MCTP1: variants seen among roughly 807,000 people sequenced by gnomAD.
MCTP1 encodes the protein multiple C2 and transmembrane domain containing 1, also known as multiple C2 and transmembrane domain-containing protein 1.
Under a neutral mutation model 120.6 loss-of-function variants are expected in MCTP1, and 69 were observed. The observed-to-expected ratio is 0.57, with a 90% CI of 0.47 to 0.70. The LOEUF (loss-of-function observed/expected upper bound fraction) is 0.70. MCTP1 is among the 30% of genes least tolerant of loss of function. The pLI is 0.00. For synonymous variants in MCTP1, 529 were observed against 493.1 expected, an observed-to-expected ratio of 1.07 and a Z score of -0.96; for missense variants, 1,203 against 1,248.8, an observed-to-expected ratio of 0.96 and a Z score of 0.55.
chr5:94,809,398 C>T (rs1376625515), intron 17 of MCTP1, among the ~76,000 whole-genome samples: 1 of 151,962 alleles, frequency 6.6e-6, no homozygotes, highest in Non-Finnish European at 1.5e-5. Context: ...CACATAACCA[C>T]ACATGAATAA....
chr5:95,109,645 C>T (rs1757319788), intron 1 of MCTP1, among the ~76,000 whole-genome samples: 1 of 152,140 alleles, frequency 6.6e-6, no homozygotes, highest in Admixed American at 6.6e-5. Context: ...CTTGGTGTTA[C>T]ACAGACGCAG....
At chr5:94,990,916 C>T (rs931501201) in intron 2 of MCTP1, among the ~76,000 whole-genome samples, 1 of 152,126 alleles carries the variant, frequency 6.6e-6, no homozygotes, top group Admixed American at 6.6e-5. Flanking sequence ...ACAGAGAATT[C>T]CCATATCACT....
At chr5:95,244,673 C>T (rs1024191425) in intron 1 of MCTP1, among the ~76,000 whole-genome samples, 2 of 152,172 alleles carry the variant, frequency 1.3e-5, no homozygotes, top group Non-Finnish European at 1.5e-5. Flanking sequence ...CAGTGTAAAC[C>T]AAGCTGCTGG....
chr5:95,168,708 T>C (rs189542358), intron 1 of MCTP1, among the ~76,000 whole-genome samples: 268 of 152,336 alleles, frequency 1.8e-3, no homozygotes, highest in Non-Finnish European at 2.9e-3. Context: ...TTGTCTGTTA[T>C]TGGCATATAA....
At chr5:94,895,779 A>G (rs998720758) in intron 10 of MCTP1, among the ~76,000 whole-genome samples, 4 of 152,328 alleles carry the variant, frequency 2.6e-5, no homozygotes, top group African/African-American at 9.6e-5. Context: ...TCTCTTTAGC[A>G]AGAGTGATTG....
In MCTP1 at chr5:94,710,832, A is replaced by G. The variant is rs768842714; in HGVS notation, c.2816T>C (p.Ile939Thr). ...GCTTTACTTACCCCAGACAAGGACAATGTATCTCAGCGGAATGCAGTACAG... is the reference window on the plus strand; with the variant it reads ...GCTTTACTTACCCCAGACAAGGACAGTGTATCTCAGCGGAATGCAGTACAG... Reference protein sequence around the residue: ...AILYCIPLRYIVLVWGINKFT... With the variant: ...AILYCIPLRYTVLVWGINKFT... The change falls in exon 21 of 23, where the codon ATT (isoleucine) becomes ACT (threonine). Residue 939 changes from isoleucine to threonine, a missense_variant. Ile to Thr is a moderately conservative substitution (Grantham distance 89). This residue lies in a region of MCTP1 where 740 missense variants were observed against 871.1 expected (regional missense o/e 0.85). Transcript: ENST00000515393. The G allele has an allele frequency of 3.7e-5, 60 of 1,611,760 alleles. No individual in the cohort carries two copies. The highest frequency in any genetic ancestry group is 8.8e-5 in the South Asian group (8 of 90,958).
At position 95,069,838 on chromosome 5, in the gene MCTP1, A is replaced by G. The variant is rs542835812; in HGVS notation, c.721-52354T>C. ...CTCAGCCTCCTGAGTAGCTGGGACT[A>G]CAGGCACCCACTACCACGCCCGGCT... On this transcript the variant is annotated intron_variant, in intron 1 of 22. Coordinates refer to ENST00000515393, the MANE Select transcript of MCTP1 (RefSeq NM_024717.7). Among the ~76,000 whole-genome samples, 39 of 152,014 alleles carry G rather than the reference A, an allele frequency of 2.6e-4. No homozygotes were observed. In the East Asian group the frequency reaches 7.6e-3, roughly 29 times the overall value.
intron 17 of MCTP1, among the ~76,000 whole-genome samples, chr5:94,821,013 C>G (rs1429036421): frequency 6.6e-6 from 1 of 152,166 alleles, no homozygotes. Context: ...CCAGCACTGT[C>G]AAATAGCTTG....
chr5:94,708,825 T>TG (rs1321878784), intron 21 of MCTP1: 5 of 436,442 alleles, frequency 1.1e-5, no homozygotes, highest in African/African-American at 4.0e-5. Context: ...GCTTTCTATG[T>TG]GGGAAATAAA....
chr5:95,276,576 G>GAGTCATGGCTGGA (rs1759856482), intron 1 of MCTP1, among the ~76,000 whole-genome samples: 2 of 151,022 alleles, frequency 1.3e-5, no homozygotes, highest in Non-Finnish European at 2.9e-5. Context: ...ATTTTAATCT[G>GAGTCATGGCTGGA]AGTCATGGCT....
intron 1 of MCTP1, among the ~76,000 whole-genome samples, chr5:95,074,351 AC>A (rs1188808202): frequency 6.6e-6 from 1 of 152,196 alleles, no homozygotes; most frequent in Non-Finnish European, 1.5e-5. Flanking sequence ...GGGTGTGGCC[AC>A]CCAACTTCTG....
At chr5:94,708,850 G>T in intron 21 of MCTP1, 1 of 348,104 alleles carries the variant, frequency 2.9e-6, no homozygotes. Context: ...CTGCCCTGGG[G>T]GTTAATTAGC....
chr5:94,777,729 TC>T (rs1488775171), intron 19 of MCTP1, among the ~76,000 whole-genome samples: 1 of 152,220 alleles, frequency 6.6e-6, no homozygotes, highest in East Asian at 1.9e-4. Context: ...ATAAATCATA[TC>T]ATTTATTGCC....
chr5:95,033,466 A>G (rs1840664220), intron 1 of MCTP1, among the ~76,000 whole-genome samples: 1 of 152,174 alleles, frequency 6.6e-6, no homozygotes, highest in South Asian at 2.1e-4. Flanking sequence ...AAACAGAATA[A>G]GAACAAAAAC....
At chr5:95,279,080 T>C (rs1445712883) in intron 1 of MCTP1, among the ~76,000 whole-genome samples, 1 of 152,182 alleles carries the variant, frequency 6.6e-6, no homozygotes, top group African/African-American at 2.4e-5. Flanking sequence ...AATCTGCAGA[T>C]TTTGTCAATG....
chr5:95,037,461 T>C (rs535553104), intron 1 of MCTP1, among the ~76,000 whole-genome samples: 10 of 152,322 alleles, frequency 6.6e-5, no homozygotes, highest in Middle Eastern at 3.4e-3. Context: ...TGAGCTATTA[T>C]ATAACAAGGA....
intron 2 of MCTP1, among the ~76,000 whole-genome samples, chr5:94,975,059 A>G (rs1172039968): frequency 6.6e-6 from 1 of 152,056 alleles, no homozygotes; most frequent in Non-Finnish European, 1.5e-5. Context: ...CTTGCTTTTA[A>G]TTCTTCATTT....
chr5:94,751,529 G>C (rs562385943), intron 19 of MCTP1, among the ~76,000 whole-genome samples: 1 of 152,136 alleles, frequency 6.6e-6, no homozygotes, highest in East Asian at 1.9e-4. Context: ...TAATATGTGC[G>C]AGGGCTATAG....
chr5:95,079,670 T>C (rs1362239438), intron 1 of MCTP1, among the ~76,000 whole-genome samples: 1 of 152,086 alleles, frequency 6.6e-6, no homozygotes, highest in Non-Finnish European at 1.5e-5. Context: ...CTCTTGAAAC[T>C]ATACATTGCA....
Sources: allele counts gnomAD v4.1 joint callset (sites outside exome capture counted in the v4.1 genomes callset), GRCh38; gene constraint gnomAD v4.1.1; regional missense constraint gnomAD v4.1.1; transcripts MANE v1.5; gene names NCBI Gene and HGNC (gene_info 2026-07-23, HGNC 2026-07-21).